The following RAB23 variants were observed in gnomAD, a reference collection of about 807,000 sequenced individuals.
RAB23 encodes RAB23, member RAS oncogene family.
In RAB23, 15 loss-of-function variants were observed where a neutral mutation model predicts 30.0. That is an observed-to-expected ratio of 0.50 (90% CI 0.33 to 0.77). RAB23 has a LOEUF of 0.77. Ranked by LOEUF, RAB23 falls within the 30% of genes least tolerant of loss-of-function variation. The probability of loss-of-function intolerance (pLI) is 0.02; values close to 1 mark genes in which losing one functional copy is unlikely to be tolerated. For missense variants in RAB23, 243 were observed against 275.4 expected, an observed-to-expected ratio of 0.88 and a Z score of 0.83; for synonymous variants, 93 against 94.0, an observed-to-expected ratio of 0.99 and a Z score of 0.06.
Position 57,196,623 on chromosome 6 carries a change from A to G in RAB23, c.242-17T>C. ...CCTGGGCTCCTGTAAGTTCACAATC[A>G]ATCAATCAATCAATCAAGGTATTTA... is the stretch of plus-strand genomic sequence containing the variant. On this transcript the variant is annotated splice_polypyrimidine_tract_variant and intron_variant, in intron 3 of 6. Transcript: ENST00000468148. 1.2e-6 allele frequency: 2 copies of G among 1,608,820 alleles called. No individual in the cohort carries two copies. The highest frequency in any genetic ancestry group is 1.7e-6 in the Non-Finnish European group (2 of 1,177,106).
rs375576493 is a variant in RAB23 at position 57,196,405 on chromosome 6, T to G, written c.398+45A>C. On this transcript the variant is annotated intron_variant, in intron 4 of 6. Coordinates refer to ENST00000468148, the MANE Select transcript of RAB23 (RefSeq NM_016277.5). ...TATGCAAAAATTAAGATGTCTTAAC[T>G]TTATAGAATTACTGTCCCTCCTTCC... 5 of 1,609,536 alleles carry G rather than the reference T, an allele frequency of 3.1e-6. No homozygotes were observed. In the African/African-American group the frequency reaches 6.7e-5, roughly 22 times the overall value.
Position 57,196,511 on chromosome 6 carries a change from C to T in RAB23, c.337G>A (p.Asp113Asn), listed in dbSNP as rs748398827. 1 of 1,614,024 alleles carries T rather than the reference C, an allele frequency of 6.2e-7. No homozygotes were observed. Residue 113 changes from aspartate to asparagine, a missense_variant, in exon 4 of 7, where the codon GAT becomes AAT. Coordinates refer to ENST00000468148, the MANE Select transcript of RAB23 (RefSeq NM_016277.5). ...TTTTGCACAAGTACAGTTGGTATAT[C>T]TCCCACTTCGGCTACTACTTTCTCT... is the stretch of plus-strand genomic sequence containing the variant. ...WREKVVAEVG[D>N]IPTVLVQNKI...
intron 1 of RAB23, among the ~76,000 whole-genome samples, chr6:57,216,947 T>A (rs1020566558): frequency 4.6e-5 from 7 of 152,204 alleles, no homozygotes; most frequent in Admixed American, 1.3e-4. Context: ...TGCATGACCA[T>A]CTTGGTTTTG....
chr6:57,192,232 T>C (rs563087520), intron 6 of RAB23, among the ~76,000 whole-genome samples: 10 of 152,308 alleles, frequency 6.6e-5, no homozygotes, highest in Admixed American at 3.9e-4. Context: ...ATAAAAGTGA[T>C]GAGTAGCTAA....
intron 5 of RAB23, among the ~76,000 whole-genome samples, chr6:57,194,484 A>T (rs1304192053): frequency 6.6e-6 from 1 of 152,138 alleles, no homozygotes; most frequent in African/African-American, 2.4e-5. Flanking sequence ...GTTATTTTTA[A>T]CAGGTATGCA....
intron 3 of RAB23, 102 bp from the exon 4 acceptor site, chr6:57,196,708 A>G: frequency 2.1e-6 from 3 of 1,455,326 alleles, no homozygotes; most frequent in Non-Finnish European, 2.8e-6. Context: ...GGCAACTTTT[A>G]TCCATTCAAA....
intron 3 of RAB23, among the ~76,000 whole-genome samples, chr6:57,199,452 C>T (rs769887812): frequency 2.6e-5 from 4 of 152,180 alleles, no homozygotes; most frequent in Non-Finnish European, 4.4e-5. Flanking sequence ...ACGAGCCCCA[C>T]CCATGTGGCG....
chr6:57,199,848 G>C (rs1319744714), intron 3 of RAB23, among the ~76,000 whole-genome samples: 2 of 152,132 alleles, frequency 1.3e-5, no homozygotes, highest in Non-Finnish European at 2.9e-5. Flanking sequence ...TAATAATTCT[G>C]ACAAATGTTG....
At chr6:57,206,067 T>A (rs1431998154) in intron 3 of RAB23, among the ~76,000 whole-genome samples, 1 of 152,206 alleles carries the variant, frequency 6.6e-6, no homozygotes, top group Non-Finnish European at 1.5e-5. Flanking sequence ...TCAGTCTGAA[T>A]GGTTGTCTGA....
At position 57,196,617 on chromosome 6, in the gene RAB23, ACAATCAAT is replaced by A. The variant is rs45542438; in HGVS notation, c.242-19_242-12del. On this transcript the variant is annotated splice_polypyrimidine_tract_variant and intron_variant, in intron 3 of 6. Transcript: ENST00000468148. ...CACAAGCCTGGGCTCCTGTAAGTTC[ACAATCAAT>A]CAATCAATCAATCAAGGTATTTACA... 7 of 1,612,152 alleles carry A rather than the reference ACAATCAAT, an allele frequency of 4.3e-6. No individual in the cohort carries two copies. The highest frequency in any genetic ancestry group is 3.3e-5 in the Admixed American group (2 of 59,822).
At chr6:57,191,680 G>C (rs1007492023) in intron 6 of RAB23, among the ~76,000 whole-genome samples, 1 of 152,148 alleles carries the variant, frequency 6.6e-6, no homozygotes, top group Non-Finnish European at 1.5e-5. Context: ...AAAGTCCTAA[G>C]CTCAGGCAAT....
intron 1 of RAB23, among the ~76,000 whole-genome samples, chr6:57,220,697 G>A (rs1346718280): frequency 6.6e-6 from 1 of 152,164 alleles, no homozygotes; most frequent in Non-Finnish European, 1.5e-5. Context: ...ATTAGTAATT[G>A]CCAGGGGTAA....
Position 57,190,294 on chromosome 6 carries a change from C to T in RAB23, c.*167G>A, listed in dbSNP as rs1764788613. On this transcript the variant is annotated 3_prime_UTR_variant, in exon 7 of 7. Transcript: ENST00000468148. ...GGGCAATAATTTTTCCACCAGAGGT[C>T]TCACTCTACATTCTGAAAAGCACTG... 12 of 760,004 alleles carry T rather than the reference C, an allele frequency of 1.6e-5. No homozygotes were observed. In the South Asian group the frequency reaches 1.9e-4, roughly 12 times the overall value. The allele number at this position is 760,004 out of a possible 1,614,324, so 47.1% of individuals were successfully genotyped here.
intron 3 of RAB23, among the ~76,000 whole-genome samples, chr6:57,199,177 T>C (rs989119910): frequency 9.2e-5 from 14 of 152,226 alleles, no homozygotes; most frequent in Admixed American, 7.9e-4. Flanking sequence ...CTCCTGCCTA[T>C]GCTGCAGGGG....
In RAB23 at chr6:57,190,582, C is replaced by A; in HGVS notation, c.593G>T (p.Gly198Val). 4.3e-6 allele frequency: 7 copies of A among 1,613,984 alleles called. No individual in the cohort carries two copies. Among genetic ancestry groups the A allele is most frequent in the Non-Finnish European group, 5.9e-6 (7 of 1,179,906 alleles). Residue 198 changes from glycine (G) to valine (V), a missense_variant, in exon 7 of 7, where the codon GGT becomes GTT. Physicochemically the swap from Gly to Val is moderately radical, Grantham distance 109. Transcript: ENST00000468148. ...TGAATTCTGACCGGAGTGACTTCCACCAGATGTATTAAAGACACCTGTATA... is the reference window on the plus strand; with the variant it reads ...TGAATTCTGACCGGAGTGACTTCCAACAGATGTATTAAAGACACCTGTATA... Reference protein sequence around the residue: ...SNKIGVFNTSGGSHSGQNSGT... With the variant: ...SNKIGVFNTSVGSHSGQNSGT...
At chr6:57,196,803 T>C (rs1269382327) in intron 3 of RAB23, among the ~76,000 whole-genome samples, 197 bp from the exon 4 acceptor site, 1 of 152,226 alleles carries the variant, frequency 6.6e-6, no homozygotes, top group African/African-American at 2.4e-5. Flanking sequence ...TTATGTTGAA[T>C]TCATCTTTGC....
chr6:57,195,653 G>A (rs1349382238), intron 4 of RAB23, among the ~76,000 whole-genome samples: 1 of 152,206 alleles, frequency 6.6e-6, no homozygotes, highest in Non-Finnish European at 1.5e-5. Flanking sequence ...GAGAATAGGA[G>A]AGGCCCATCT....
chr6:57,221,874 G>A lies in RAB23; in HGVS notation c.-214C>T, dbSNP rs905679918. 3 of 152,562 alleles carry A rather than the reference G, an allele frequency of 2.0e-5. No individual in the cohort carries two copies. The highest frequency in any genetic ancestry group is 7.2e-5 in the African/African-American group (3 of 41,474). 9.5% of individuals were successfully genotyped at this position (152,562 alleles called of 1,614,324 possible). A position where few individuals can be genotyped will look rare whatever the true frequency, so the allele number is the denominator to read the frequency against. ...GCCGGGCCGGGAGGCCCCTGCCCTC[G>A]ATACCCCTGCCCACTCCGGAGAGTA... On this transcript the variant is annotated 5_prime_UTR_variant, in exon 1 of 7. Transcript: ENST00000468148.
intron 3 of RAB23, among the ~76,000 whole-genome samples, chr6:57,201,804 T>C (rs1765279934): frequency 6.6e-6 from 1 of 152,248 alleles, no homozygotes; most frequent in African/African-American, 2.4e-5. Context: ...ATCTATTTCA[T>C]GTCGTCTGTA....
Sources: gnomAD v4.1 joint callset for allele counts (sites outside exome capture counted in the v4.1 genomes callset) on GRCh38, gnomAD v4.1.1 for gene constraint, MANE v1.5 for transcripts, NCBI Gene and HGNC (gene_info 2026-07-23, HGNC 2026-07-21) for gene names.